GABRA4: variants seen among roughly 807,000 people sequenced by gnomAD.
GABRA4 encodes the protein gamma-aminobutyric acid receptor subunit alpha-4.
Under a neutral mutation model 49.7 loss-of-function variants are expected in GABRA4, and 12 were observed. The ratio of observed to expected loss-of-function variants is 0.24; its 90% confidence interval spans 0.15 to 0.39. The LOEUF (loss-of-function observed/expected upper bound fraction) is 0.39. Ranked by LOEUF, GABRA4 falls within the 10% of genes least tolerant of loss-of-function variation. GABRA4 has a pLI of 1.00. For synonymous variants in GABRA4, 288 were observed against 240.2 expected (o/e 1.20, Z -1.84); for missense variants, 506 against 686.0 (o/e 0.74, Z 2.93).
intron 8 of GABRA4, among the ~76,000 whole-genome samples, chr4:46,931,719 C>T (rs999402228): frequency 6.6e-6 from 1 of 152,124 alleles, no homozygotes; most frequent in Non-Finnish European, 1.5e-5. Context: ...TTCTTACTTG[C>T]TTACACTCTT....
chr4:46,928,034 T>C lies in GABRA4; in HGVS notation c.*191A>G. On this transcript the variant is annotated 3_prime_UTR_variant, in exon 9 of 9. Coordinates refer to ENST00000264318, the MANE Select transcript of GABRA4 (RefSeq NM_000809.4). Reference sequence around the variant, plus strand: ...TGCTGAGTTCTTTTAAAATAATTTTTCTGAAAAAAAACATAGTTCACTTTT... The same window carrying C: ...TGCTGAGTTCTTTTAAAATAATTTTCCTGAAAAAAAACATAGTTCACTTTT... 1 of 519,160 alleles carries C rather than the reference T, an allele frequency of 1.9e-6. No homozygotes were observed. The highest frequency in any genetic ancestry group is 3.3e-6 in the Non-Finnish European group (1 of 303,948). The allele number at this position is 519,160 out of a possible 1,614,324, so 32.2% of individuals were successfully genotyped here.
Position 46,977,476 on chromosome 4 carries a change from T to C in GABRA4, c.428A>G (p.His143Arg). 1 of 1,611,384 alleles carries C rather than the reference T, an allele frequency of 6.2e-7. No individual in the cohort carries two copies. The highest frequency in any genetic ancestry group is 1.1e-5 in the South Asian group (1 of 90,990). ...AAGCTTATTTGGAGCTGTCATATTA[T>C]GTGAGACAGATTTCTTTCCATTCCT... ...FFRNGKKSVS[H>R]NMTAPNKLFR... is the part of the protein sequence containing the mutation. The change falls in exon 4 of 9, where the codon CAT (histidine) becomes CGT (arginine). Residue 143 changes from histidine (H) to arginine (R), a missense_variant. His to Arg is a conservative substitution (Grantham distance 29). Around this residue, in one of 5 missense-constraint regions of GABRA4, gnomAD observed 195 missense variants for 326.0 expected, o/e 0.60. Coordinates refer to ENST00000264318, the MANE Select transcript of GABRA4 (RefSeq NM_000809.4).
intron 8 of GABRA4, among the ~76,000 whole-genome samples, chr4:46,943,270 C>T (rs996214214): frequency 2.0e-5 from 3 of 152,104 alleles, no homozygotes; most frequent in Non-Finnish European, 4.4e-5. Context: ...GCTTTCAAGC[C>T]ACAAAACTTC....
chr4:46,948,825 C>A (rs574383649), intron 8 of GABRA4, among the ~76,000 whole-genome samples: 1 of 152,154 alleles, frequency 6.6e-6, no homozygotes, highest in African/African-American at 2.4e-5. Context: ...TGCTAGATCC[C>A]AGCAGGTGGA....
At chr4:46,984,512 C>T (rs1338635907) in intron 2 of GABRA4, among the ~76,000 whole-genome samples, 1 of 151,912 alleles carries the variant, frequency 6.6e-6, no homozygotes, top group Non-Finnish European at 1.5e-5. Flanking sequence ...AAGATTAGTG[C>T]CTCCCATGTC....
In GABRA4 at chr4:46,951,491, G is replaced by A. The variant is rs150493499; in HGVS notation, c.1134+13479C>T. ...CCCATATGTCCTCATAGCTTGTTAC[G>A]CTGGAGATAGTAATATTCCCACTTT... On this transcript the variant is annotated intron_variant, in intron 8 of 8. Coordinates refer to ENST00000264318, the MANE Select transcript of GABRA4 (RefSeq NM_000809.4). 9.4e-3 allele frequency among the ~76,000 whole-genome samples: 1,428 copies of A among 151,596 alleles called. 8 individuals carry two copies. Among genetic ancestry groups the A allele is most frequent in the Non-Finnish European group, 0.015 (1,043 of 67,872 alleles).
At chr4:46,955,043 A>G (rs571589842) in intron 8 of GABRA4, among the ~76,000 whole-genome samples, 2 of 152,296 alleles carry the variant, frequency 1.3e-5, no homozygotes, top group East Asian at 1.9e-4. Context: ...TAGGTACTCA[A>G]TAAATGATGA....
intron 8 of GABRA4, among the ~76,000 whole-genome samples, chr4:46,932,567 T>G (rs1364943883): frequency 1.3e-5 from 2 of 152,150 alleles, no homozygotes; most frequent in Non-Finnish European, 2.9e-5. Context: ...ACAAGCCCAC[T>G]CAAGGATTAT....
At position 46,924,819 on chromosome 4, in the gene GABRA4, AG is replaced by A. The variant is rs1721155462; in HGVS notation, c.*3405del. Reference sequence around the variant, plus strand: ...CTTGTATTTACTATGAGAATCAGAGAGTATTAAAACTGAAAAGCTCTTAGAT... The same window carrying A: ...CTTGTATTTACTATGAGAATCAGAGATATTAAAACTGAAAAGCTCTTAGAT... On this transcript the variant is annotated 3_prime_UTR_variant, in exon 9 of 9. Coordinates refer to ENST00000264318, the MANE Select transcript of GABRA4 (RefSeq NM_000809.4). 1 of 151,984 alleles carries A rather than the reference AG, an allele frequency of 6.6e-6. No homozygotes were observed. Among genetic ancestry groups the A allele is most frequent in the Admixed American group, 6.6e-5 (1 of 15,220 alleles). The allele number at this position is 151,984 out of a possible 1,614,324, so 9.4% of individuals were successfully genotyped here.
chr4:46,979,162 A>G, intron 2 of GABRA4, 64 bp from the exon 3 acceptor site: 2 of 952,364 alleles, frequency 2.1e-6, no homozygotes, highest in Middle Eastern at 2.3e-4. Context: ...TGGGAAGGTT[A>G]GATAATTACA....
chr4:46,951,566 T>C (rs1452648305), intron 8 of GABRA4, among the ~76,000 whole-genome samples: 5 of 151,922 alleles, frequency 3.3e-5, no homozygotes, highest in African/African-American at 4.8e-5. Context: ...TCCTTGCCAC[T>C]CTTTGCCAAA....
rs572175212 is a variant in GABRA4, at chr4:46,991,715, A to G, written c.205+1113T>C. Reference sequence around the variant, plus strand: ...TTCTCCTCCTACTTACTAACTTGGAACTTGGACTCAATTTCCTTATCTGTA... The same window carrying G: ...TTCTCCTCCTACTTACTAACTTGGAGCTTGGACTCAATTTCCTTATCTGTA... On this transcript the variant is annotated intron_variant, in intron 2 of 8. Transcript: ENST00000264318. Among the ~76,000 whole-genome samples, 9 of 37,798 alleles carry G rather than the reference A, an allele frequency of 2.4e-4. No homozygotes were observed. In the East Asian group the frequency reaches 6.9e-3, roughly 29 times the overall value. 24.8% of individuals were successfully genotyped at this position (37,798 alleles called of 152,430 possible). A position where few individuals can be genotyped will look rare whatever the true frequency, so the allele number is the denominator to read the frequency against.
chr4:46,937,981 G>T (rs1468348153), intron 8 of GABRA4, among the ~76,000 whole-genome samples: 1 of 152,118 alleles, frequency 6.6e-6, no homozygotes, highest in Non-Finnish European at 1.5e-5. Flanking sequence ...AAGTGTACAT[G>T]TGTTTTGGAT....
intron 2 of GABRA4, among the ~76,000 whole-genome samples, chr4:46,991,448 T>G (rs565766680): frequency 9.2e-5 from 14 of 152,302 alleles, no homozygotes; most frequent in African/African-American, 3.4e-4. Flanking sequence ...ACATTTCAAG[T>G]GAAGGCTAGA....
At chr4:46,973,801 AT>A (rs997927553) in intron 6 of GABRA4, among the ~76,000 whole-genome samples, 11 of 151,784 alleles carry the variant, frequency 7.2e-5, no homozygotes, top group Non-Finnish European at 1.6e-4. Context: ...TAAGTTTTAG[AT>A]TTTTGTTTAC....
chr4:46,991,823 G>C (rs1392683651), intron 2 of GABRA4, among the ~76,000 whole-genome samples: 1 of 152,166 alleles, frequency 6.6e-6, no homozygotes, highest in Non-Finnish European at 1.5e-5. Context: ...TGGTATATGT[G>C]AACATTTAAT....
At chr4:46,989,877 A>C (rs1357385446) in intron 2 of GABRA4, among the ~76,000 whole-genome samples, 1 of 152,220 alleles carries the variant, frequency 6.6e-6, no homozygotes, top group Non-Finnish European at 1.5e-5. Context: ...AACTTTCCAC[A>C]GAGTATCCAA....
At chr4:46,975,204 C>A (rs1220318534) in intron 5 of GABRA4, among the ~76,000 whole-genome samples, 1 of 151,970 alleles carries the variant, frequency 6.6e-6, no homozygotes, top group Non-Finnish European at 1.5e-5. Flanking sequence ...TCCAAACCAT[C>A]CTAAAATGGC....
chr4:46,955,406 T>C (rs1025389594), intron 8 of GABRA4, among the ~76,000 whole-genome samples: 1 of 152,128 alleles, frequency 6.6e-6, no homozygotes, highest in African/African-American at 2.4e-5. Flanking sequence ...TACCAAAATA[T>C]GCAAAATATT....
Sources: gnomAD v4.1 joint callset for allele counts (sites outside exome capture counted in the v4.1 genomes callset) on GRCh38, gnomAD v4.1.1 for gene constraint, gnomAD v4.1.1 regional missense constraint, MANE v1.5 for transcripts, NCBI Gene and HGNC (gene_info 2026-07-23, HGNC 2026-07-21) for gene names.